Variants in YJU2B observed in about 807,000 individuals in gnomAD.
The protein encoded by YJU2B is YJU2 splicing factor homolog B, also known as probable splicing factor YJU2B.
In YJU2B, 18 loss-of-function variants were observed where a neutral mutation model predicts 38.0. The observed-to-expected ratio is 0.47, with a 90% CI of 0.33 to 0.70. The LOEUF is 0.70. Among genes scored for constraint, YJU2B ranks in the 30% least tolerant of loss-of-function variants. The pLI, the probability that YJU2B is intolerant of heterozygous loss-of-function variation, is 0.02. For synonymous variants in YJU2B, 246 were observed against 225.4 expected, an observed-to-expected ratio of 1.09 and a Z score of -0.82; for missense variants, 538 against 556.3, an observed-to-expected ratio of 0.97 and a Z score of 0.33.
intron 2 of YJU2B, among the ~76,000 whole-genome samples, chr19:13,736,751 G>C (rs1030718410): frequency 2.0e-5 from 3 of 151,942 alleles, no homozygotes; most frequent in Non-Finnish European, 4.4e-5. Context: ...CAGGGTCTCG[G>C]CCAGGTGCGG....
rs146269756 is a variant in YJU2B at position 13,742,079 on chromosome 19, G to A, written c.-201-9529G>A. Among the ~76,000 whole-genome samples the A allele has an allele frequency of 5.1e-3, 736 of 143,154 alleles. 6 individuals are homozygous for A. The highest frequency in any genetic ancestry group is 0.017 in the African/African-American group (660 of 37,810). The allele number at this position is 143,154 out of a possible 152,430, so 93.9% of individuals were successfully genotyped here. A position where few individuals can be genotyped will look rare whatever the true frequency, so the allele number is the denominator to read the frequency against. On this transcript the variant is annotated intron_variant, in intron 2 of 10. Transcript: ENST00000586600. The stretch of plus-strand genomic sequence containing the variant: ...GGAGACTTTATCTACATAATAAGAC[G>A]GCCTTTGTTCACAATGAAGTTCTGC...
chr19:13,746,864 G>A (rs1005393047), upstream of YJU2B, among the ~76,000 whole-genome samples: 7 of 151,850 alleles, frequency 4.6e-5, no homozygotes, highest in African/African-American at 1.5e-4. Context: ...CTGAGATCAC[G>A]CCATTGAACT....
At chr19:13,741,623 A>G (rs1398911376) in intron 2 of YJU2B, among the ~76,000 whole-genome samples, 1 of 151,864 alleles carries the variant, frequency 6.6e-6, no homozygotes, top group African/African-American at 2.4e-5. Flanking sequence ...TGTGGTCCCA[A>G]CTACTCAAAA....
intron 1 of YJU2B, among the ~76,000 whole-genome samples, chr19:13,751,211 A>T (rs1973449177): frequency 6.6e-6 from 1 of 151,964 alleles, no homozygotes; most frequent in Non-Finnish European, 1.5e-5. Context: ...AGGTAAAGAG[A>T]TCAAGACCAT....
At chr19:13,745,700 T>TAGAG (rs879294355), upstream of YJU2B, among the ~76,000 whole-genome samples, 151 of 104,344 alleles carry the variant, frequency 1.4e-3, no homozygotes, top group African/African-American at 5.4e-3. Flanking sequence ...GATATAGATA[T>TAGAG]ATAGATATCT....
chr19:13,757,340 C>A, intron 4 of YJU2B, 78 bp from the exon 5 acceptor site: 1 of 1,237,690 alleles, frequency 8.1e-7, no homozygotes, highest in Non-Finnish European at 1.2e-6. Flanking sequence ...ATCACAACCG[C>A]GGCCAGAGTC....
At chr19:13,750,251 G>A (rs976334078) in intron 1 of YJU2B, among the ~76,000 whole-genome samples, 6 of 152,082 alleles carry the variant, frequency 3.9e-5, no homozygotes, top group South Asian at 4.1e-4. Context: ...TGTTTGAGAC[G>A]GAGTCTCACT....
At chr19:13,746,806 C>T (rs926758485), upstream of YJU2B, among the ~76,000 whole-genome samples, 6 of 152,020 alleles carry the variant, frequency 3.9e-5, no homozygotes, top group Admixed American at 2.6e-4. Flanking sequence ...ACTCGGGAGG[C>T]TGAGGCAAGA....
intron 2 of YJU2B, among the ~76,000 whole-genome samples, chr19:13,753,815 T>G (rs886113806): frequency 2.6e-5 from 4 of 152,096 alleles, no homozygotes; most frequent in Admixed American, 1.3e-4. Context: ...GAGAACAGCA[T>G]GATTCGCCCC....
chr19:13,761,667 G>A (rs1242664596), intron 8 of YJU2B: 1 of 152,096 alleles, frequency 6.6e-6, no homozygotes, highest in African/African-American at 2.4e-5. Context: ...GATTGTTTGA[G>A]GCCATGAGTT....
At chr19:13,743,702 G>C (rs1429295633), upstream of YJU2B, among the ~76,000 whole-genome samples, 143 of 134,750 alleles carry the variant, frequency 1.1e-3, no homozygotes, top group Middle Eastern at 0.037. Flanking sequence ...AGACCAGCCT[G>C]GCCAACATGA....
chr19:13,763,177 G>C lies in YJU2B; in HGVS notation c.*109G>C. 1 of 872,332 alleles carries C rather than the reference G, an allele frequency of 1.1e-6. No homozygotes were observed. Among genetic ancestry groups the C allele is most frequent in the Non-Finnish European group, 1.7e-6 (1 of 579,108 alleles). 54.0% of individuals were successfully genotyped at this position (872,332 alleles called of 1,614,324 possible). A position where few individuals can be genotyped will look rare whatever the true frequency, so the allele number is the denominator to read the frequency against. ...CGCCCACCAGCCCTGGGAGAGCTCA[G>C]ATGCCGCATCCTCCCCAGACCGCGC... On this transcript the variant is annotated 3_prime_UTR_variant, in exon 10 of 10. Coordinates refer to ENST00000221554, the MANE Select transcript of YJU2B (RefSeq NM_030818.4).
chr19:13,757,477 A>G lies in YJU2B; in HGVS notation c.196+4A>G. The G allele has an allele frequency of 6.2e-7, 1 of 1,611,386 alleles. No homozygotes were observed. The highest frequency in any genetic ancestry group is 1.1e-5 in the South Asian group (1 of 91,008). On this transcript the variant is annotated splice_donor_region_variant and intron_variant, in intron 5 of 9. Coordinates refer to ENST00000221554, the MANE Select transcript of YJU2B (RefSeq NM_030818.4). The stretch of plus-strand genomic sequence containing the variant: ...TGCAAGAACCACATCGGCATGGGTG[A>G]GCCTCTGCCCACCCTCCATTCAGTC...
intron 4 of YJU2B, among the ~76,000 whole-genome samples, chr19:13,756,698 G>A (rs1283252314): frequency 6.6e-6 from 1 of 152,110 alleles, no homozygotes; most frequent in East Asian, 1.9e-4. Flanking sequence ...ATCGTAGTTG[G>A]GCACAGTGGG....
upstream of YJU2B, among the ~76,000 whole-genome samples, chr19:13,742,954 G>A (rs1402807733): frequency 6.6e-6 from 1 of 152,166 alleles, no homozygotes; most frequent in Non-Finnish European, 1.5e-5. Context: ...CCTCATCCAG[G>A]TCAGAGGTCC....
In YJU2B at chr19:13,762,430, C is replaced by T. The variant is rs1302917518; in HGVS notation, c.705C>T (p.Thr235=). 1.9e-6 allele frequency: 3 copies of T among 1,612,728 alleles called. No homozygotes were observed. The highest frequency in any genetic ancestry group is 2.5e-6 in the Non-Finnish European group (3 of 1,179,924). The change falls in exon 9 of 10, where the codon ACC becomes ACT. Residue 235 remains threonine (T), a synonymous_variant. Coordinates refer to ENST00000221554, the MANE Select transcript of YJU2B (RefSeq NM_030818.4). The part of the protein sequence containing the change: ...RKLAALLKFH[T]LDSYEDKQKL... ...TGGCGGCTCTGCTGAAGTTCCACAC[C>T]CTGGACTGTGCGTAGGAGGCCAGGG...
At chr19:13,743,724 C>T (rs948353194), upstream of YJU2B, among the ~76,000 whole-genome samples, 6 of 147,094 alleles carry the variant, frequency 4.1e-5, no homozygotes, top group African/African-American at 1.5e-4. Context: ...GAAGCCCTGT[C>T]TCTACTAAAA....
At chr19:13,734,361 C>T (rs891809378) in intron 2 of YJU2B, among the ~76,000 whole-genome samples, 1 of 151,032 alleles carries the variant, frequency 6.6e-6, no homozygotes, top group Admixed American at 6.6e-5. Context: ...GCACGATCTT[C>T]ACTCACTGCA....
chr19:13,754,422 G>A lies in YJU2B; in HGVS notation c.57+80G>A, dbSNP rs531767273. The A allele has an allele frequency of 8.7e-4, 1,026 of 1,177,878 alleles. 1 individual carries two copies. The highest frequency in any genetic ancestry group is 6.0e-4 in the Non-Finnish European group (472 of 784,872). The allele number at this position is 1,177,878 out of a possible 1,614,324, so 73.0% of individuals were successfully genotyped here. On this transcript the variant is annotated intron_variant, in intron 3 of 9. Transcript: ENST00000221554. ...CTCTTGGGGTTAGAGCCACTGCTGC[G>A]GAAGGATGGGTGGCCCCCAAGGTCT... is the stretch of plus-strand genomic sequence containing the variant.
Sources: allele counts gnomAD v4.1 joint callset (sites outside exome capture counted in the v4.1 genomes callset), GRCh38; gene constraint gnomAD v4.1.1; transcripts MANE v1.5; gene names NCBI Gene and HGNC (gene_info 2026-07-23, HGNC 2026-07-21).